The following SH3GL3 variants were observed in gnomAD, a reference collection of about 807,000 sequenced individuals.
The protein encoded by SH3GL3 is SH3 domain containing GRB2 like 3, endophilin A3.
A neutral mutation model predicts 47.7 loss-of-function variants in SH3GL3; 33 were observed. The ratio of observed to expected loss-of-function variants is 0.69; its 90% CI spans 0.52 to 0.92. The LOEUF is 0.92. SH3GL3 is among the 40% of genes least tolerant of loss of function. SH3GL3 has a pLI of 0.00. For synonymous variants in SH3GL3, 155 were observed against 148.8 expected, an observed-to-expected ratio of 1.04 and a Z score of -0.30; for missense variants, 363 against 417.8, an observed-to-expected ratio of 0.87 and a Z score of 1.14.
At chr15:83,622,036 AAAT>A (rs1354703625), downstream of SH3GL3, among the ~76,000 whole-genome samples, 1 of 152,204 alleles carries the variant, frequency 6.6e-6, no homozygotes, top group Non-Finnish European at 1.5e-5. Flanking sequence ...GTCTGTAATC[AAAT>A]AATGATAATA....
chr15:83,508,250 T>A (rs1355860715), intron 1 of SH3GL3, among the ~76,000 whole-genome samples: 9 of 152,002 alleles, frequency 5.9e-5, no homozygotes, highest in Non-Finnish European at 1.0e-4. Context: ...CAGGCACAAT[T>A]TTAAATACCG....
chr15:83,450,615 A>G (rs1219871538), intron 1 of SH3GL3, among the ~76,000 whole-genome samples: 1 of 152,092 alleles, frequency 6.6e-6, no homozygotes, highest in African/African-American at 2.4e-5. Context: ...GGAAAGAGGA[A>G]GAAATATGCT....
chr15:83,468,126 T>G (rs368777115), intron 1 of SH3GL3, among the ~76,000 whole-genome samples: 4 of 152,218 alleles, frequency 2.6e-5, no homozygotes, highest in Admixed American at 6.5e-5. Flanking sequence ...CACTGCGCCC[T>G]GCCAGGTATT....
chr15:83,605,853 G>A (rs958354472), intron 8 of SH3GL3, among the ~76,000 whole-genome samples: 2 of 152,134 alleles, frequency 1.3e-5, no homozygotes, highest in Admixed American at 1.3e-4. Context: ...ACATCCTTGA[G>A]TTGAAACATG....
intron 1 of SH3GL3, among the ~76,000 whole-genome samples, chr15:83,554,484 C>G (rs1367705896): frequency 2.0e-5 from 3 of 152,084 alleles, no homozygotes; most frequent in African/African-American, 4.8e-5. Flanking sequence ...CTGCACCCAG[C>G]CTTGCTCTTA....
intron 1 of SH3GL3, among the ~76,000 whole-genome samples, chr15:83,549,884 C>T (rs1314683203): frequency 1.3e-5 from 2 of 152,142 alleles, no homozygotes; most frequent in Non-Finnish European, 2.9e-5. Flanking sequence ...CAAGACAGAA[C>T]ATTTCCTAAA....
intron 1 of SH3GL3, among the ~76,000 whole-genome samples, chr15:83,514,785 G>A (rs931359019): frequency 6.6e-6 from 1 of 152,180 alleles, no homozygotes; most frequent in Admixed American, 6.5e-5. Flanking sequence ...CAAAGGAGAA[G>A]TGGGTTCCTC....
At chr15:83,475,151 A>G (rs1184331036) in intron 1 of SH3GL3, among the ~76,000 whole-genome samples, 1 of 151,148 alleles carries the variant, frequency 6.6e-6, no homozygotes, top group Non-Finnish European at 1.5e-5. Context: ...CTATATATAA[A>G]AAACTATAAT....
At chr15:83,528,154 T>C (rs2043507310) in intron 1 of SH3GL3, among the ~76,000 whole-genome samples, 1 of 152,216 alleles carries the variant, frequency 6.6e-6, no homozygotes, top group Non-Finnish European at 1.5e-5. Flanking sequence ...ATCTTTCTGC[T>C]TAGAAATCTG....
chr15:83,508,823 T>A (rs752799196), intron 1 of SH3GL3, among the ~76,000 whole-genome samples: 36 of 152,196 alleles, frequency 2.4e-4, no homozygotes, highest in Non-Finnish European at 4.7e-4. Context: ...CTTGATCTCC[T>A]GACCTCGTGA....
At chr15:83,599,806 A>G (rs1746634347) in intron 8 of SH3GL3, among the ~76,000 whole-genome samples, 1 of 152,150 alleles carries the variant, frequency 6.6e-6, no homozygotes, top group African/African-American at 2.4e-5. Context: ...TTACATTCTT[A>G]CCAGCAGTGT....
In SH3GL3 at chr15:83,544,506, T is replaced by C. The variant is rs559403591; in HGVS notation, c.46-14747T>C. On this transcript the variant is annotated intron_variant, in intron 1 of 8. Coordinates refer to ENST00000427482, the MANE Select transcript of SH3GL3 (RefSeq NM_003027.5). ...GCAGAATAGGTCTGATGTTTCTTTA[T>C]TGAAATGCTAATGAGTAGTTTACAC... 1.2e-4 allele frequency among the ~76,000 whole-genome samples: 18 copies of C among 152,238 alleles called. No homozygotes were observed. In the South Asian group the frequency reaches 3.5e-3, roughly 30 times the overall value.
At chr15:83,492,214 C>G (rs556723239) in intron 1 of SH3GL3, among the ~76,000 whole-genome samples, 1 of 133,924 alleles carries the variant, frequency 7.5e-6, no homozygotes, top group African/African-American at 2.8e-5. Context: ...ACCTGGGAAT[C>G]GGAGGTTGCA....
chr15:83,571,715 T>A (rs1048080822), intron 4 of SH3GL3, among the ~76,000 whole-genome samples: 12 of 152,140 alleles, frequency 7.9e-5, no homozygotes, highest in African/African-American at 2.9e-4. Flanking sequence ...TCTTCAAGCC[T>A]AGAAATGGAG....
chr15:83,545,308 C>G (rs1007749332), intron 1 of SH3GL3, among the ~76,000 whole-genome samples: 2 of 152,090 alleles, frequency 1.3e-5, no homozygotes, highest in Non-Finnish European at 2.9e-5. Flanking sequence ...GAGACTGATG[C>G]ATTCTTCAGT....
intron 1 of SH3GL3, among the ~76,000 whole-genome samples, chr15:83,551,817 C>T (rs1459219627): frequency 6.6e-6 from 1 of 152,146 alleles, no homozygotes; most frequent in African/African-American, 2.4e-5. Flanking sequence ...TTTTTAAAAT[C>T]CACTCTAGTA....
intron 1 of SH3GL3, among the ~76,000 whole-genome samples, chr15:83,528,067 A>G (rs2043504103): frequency 6.6e-6 from 1 of 152,176 alleles, no homozygotes; most frequent in African/African-American, 2.4e-5. Context: ...TGCTAGGTAT[A>G]GTATTTTTGG....
At chr15:83,575,291 A>G (rs936098814) in intron 5 of SH3GL3, among the ~76,000 whole-genome samples, 3 of 152,220 alleles carry the variant, frequency 2.0e-5, no homozygotes, top group Admixed American at 6.5e-5. Context: ...ATGAAAAGTC[A>G]GCATTGCTCC....
chr15:83,568,464 A>T, intron 3 of SH3GL3, 65 bp from the exon 4 acceptor site: 1 of 1,408,670 alleles, frequency 7.1e-7, no homozygotes, highest in Non-Finnish European at 9.9e-7. Flanking sequence ...TGCGTTTATT[A>T]AATTCTATGT....
Sources: gnomAD v4.1 joint callset for allele counts (sites outside exome capture counted in the v4.1 genomes callset) on GRCh38, gnomAD v4.1.1 for gene constraint, MANE v1.5 for transcripts, NCBI Gene and HGNC (gene_info 2026-07-23, HGNC 2026-07-21) for gene names.